Variants in PLAC8L1 observed in about 807,000 individuals in gnomAD.
The protein encoded by PLAC8L1 is PLAC8-like protein 1.
PLAC8L1 carries 13 observed loss-of-function variants against 16.3 expected under a neutral mutation model. The observed-to-expected ratio is 0.80, with a 90% CI of 0.52 to 1.27. PLAC8L1 has a LOEUF of 1.27. Ranked by LOEUF, PLAC8L1 falls within the 50% of genes most tolerant of loss-of-function variation. The pLI is 0.00. For synonymous variants in PLAC8L1, 78 were observed against 79.3 expected (o/e 0.98, Z 0.09); for missense variants, 184 against 220.2 (o/e 0.84, Z 1.04).
chr5:146,104,415 A>T lies in PLAC8L1; in HGVS notation c.-104T>A. The T allele has an allele frequency of 1.1e-6, 1 of 918,204 alleles. No individual in the cohort carries two copies. The highest frequency in any genetic ancestry group is 1.8e-6 in the Non-Finnish European group (1 of 562,384). The allele number at this position is 918,204 out of a possible 1,614,324, so 56.9% of individuals were successfully genotyped here. On this transcript the variant is annotated 5_prime_UTR_variant, in exon 1 of 4. Coordinates refer to ENST00000311450, the MANE Select transcript of PLAC8L1 (RefSeq NM_001029869.3). ...CCAAAGTGAAACATCTCTTGAAAGA[A>T]TGTTCCCTTAATATTCTGGAACCTG...
intron 1 of PLAC8L1, among the ~76,000 whole-genome samples, chr5:146,100,502 AT>A (rs1228208436): frequency 6.6e-6 from 1 of 150,918 alleles, no homozygotes; most frequent in African/African-American, 2.4e-5. Flanking sequence ...TAGCATGTCA[AT>A]TTTATTAATT....
intron 2 of PLAC8L1, among the ~76,000 whole-genome samples, chr5:146,095,806 C>A (rs1350076213): frequency 6.6e-6 from 1 of 152,162 alleles, no homozygotes; most frequent in African/African-American, 2.4e-5. Context: ...AACATCAATT[C>A]TCAGATGGGG....
chr5:146,098,274 G>C lies in PLAC8L1; in HGVS notation c.138C>G (p.Ser46Arg). 6.2e-7 allele frequency: 1 copy of C among 1,614,048 alleles called. No homozygotes were observed. The highest frequency in any genetic ancestry group is 8.5e-7 in the Non-Finnish European group (1 of 1,179,960). ...ISNLRGHVPASAVVKQPVRGA... is the reference protein window; with the variant it reads ...ISNLRGHVPARAVVKQPVRGA... ...CCCGAACAGGCTGCTTCACCACAGC[G>C]CTGGCTGGTACATGGCCTCTGGAGA... Residue 46 changes from serine (S) to arginine (R), a missense_variant, in exon 2 of 4, where the codon AGC (serine) becomes AGG (arginine). By Grantham distance (110) the Ser-to-Arg change is moderately radical. Coordinates refer to ENST00000311450, the MANE Select transcript of PLAC8L1 (RefSeq NM_001029869.3).
In PLAC8L1 at chr5:146,085,552, G is replaced by A; in HGVS notation, c.302C>T (p.Ala101Val). Residue 101 changes from alanine (A) to valine (V), a missense_variant, in exon 3 of 4, where the codon GCC becomes GTC. Coordinates refer to ENST00000311450, the MANE Select transcript of PLAC8L1 (RefSeq NM_001029869.3). ...ACAAAGACACTCTCCATAATGCCTG[G>A]CGATGTCACACTCAAGACACATAGG... ...FCPMCLECDI[A>V]RHYGECLCWP... 6.2e-7 allele frequency: 1 copy of A among 1,614,066 alleles called. No homozygotes were observed. Among genetic ancestry groups the A allele is most frequent in the Non-Finnish European group, 8.5e-7 (1 of 1,180,004 alleles).
At position 146,085,495 on chromosome 5, in the gene PLAC8L1, A is replaced by AG; in HGVS notation, c.358dup (p.Leu120ProfsTer10). The AG allele has an allele frequency of 6.2e-7, 1 of 1,614,094 alleles. No homozygotes were observed. Among genetic ancestry groups the AG allele is most frequent in the South Asian group, 1.1e-5 (1 of 91,060 alleles). The stretch of plus-strand genomic sequence containing the variant: ...ATGTCTCTCCCTGGTGCCAATTCTC[A>AG]GTGCAAAGGTGGACCCAGGTAACAA... On this transcript the variant is annotated frameshift_variant, in exon 3 of 4. Coordinates refer to ENST00000311450, the MANE Select transcript of PLAC8L1 (RefSeq NM_001029869.3). LOFTEE classifies it high-confidence loss of function.
intron 2 of PLAC8L1, among the ~76,000 whole-genome samples, chr5:146,096,789 G>A (rs1763725029): frequency 6.6e-6 from 1 of 152,198 alleles, no homozygotes; most frequent in Non-Finnish European, 1.5e-5. Context: ...AGTACTGGGT[G>A]ACTACCAAAG....
chr5:146,098,296 G>A lies in PLAC8L1; in HGVS notation c.120-4C>T. 3 of 1,613,034 alleles carry A rather than the reference G, an allele frequency of 1.9e-6. No homozygotes were observed. Among genetic ancestry groups the A allele is most frequent in the Middle Eastern group, 1.7e-4 (1 of 6,052 alleles). On this transcript the variant is annotated splice_polypyrimidine_tract_variant and splice_region_variant and intron_variant, in intron 1 of 3. Coordinates refer to ENST00000311450, the MANE Select transcript of PLAC8L1 (RefSeq NM_001029869.3). ...AGCGCTGGCTGGTACATGGCCTCTGGAGAGTCAAGGATGATGATTAACTTG... is the reference window on the plus strand; with the variant it reads ...AGCGCTGGCTGGTACATGGCCTCTGAAGAGTCAAGGATGATGATTAACTTG...
chr5:146,087,293 A>AT (rs1763533108), intron 2 of PLAC8L1, among the ~76,000 whole-genome samples: 2 of 151,892 alleles, frequency 1.3e-5, no homozygotes, highest in East Asian at 3.9e-4. Context: ...TGATTATTTC[A>AT]TTTTTTTGCT....
intron 2 of PLAC8L1, among the ~76,000 whole-genome samples, chr5:146,092,727 G>C (rs974294841): frequency 6.6e-6 from 1 of 151,898 alleles, no homozygotes. Flanking sequence ...TAGTAGAGAC[G>C]GGGTTTCACC....
intron 1 of PLAC8L1, among the ~76,000 whole-genome samples, chr5:146,100,413 A>C (rs1028151845): frequency 6.6e-5 from 10 of 152,160 alleles, no homozygotes; most frequent in Non-Finnish European, 1.5e-4. Context: ...GCTTTCTAGG[A>C]ACCTACCATG....
intron 2 of PLAC8L1, among the ~76,000 whole-genome samples, chr5:146,088,898 C>T (rs997372759): frequency 1.3e-5 from 2 of 152,086 alleles, no homozygotes; most frequent in African/African-American, 4.8e-5. Flanking sequence ...ATTTTGAAAT[C>T]AATGGCACAT....
intron 2 of PLAC8L1, among the ~76,000 whole-genome samples, chr5:146,086,022 G>GCCTTTTTT (rs1561781678): frequency 9.0e-6 from 1 of 111,028 alleles, no homozygotes; most frequent in African/African-American, 3.5e-5. Flanking sequence ...TAATTGAAAG[G>GCCTTTTTT]TCTTTTTTTT....
In PLAC8L1 at chr5:146,104,104, T is replaced by C. The variant is rs577697397; in HGVS notation, c.119+89A>G. On this transcript the variant is annotated intron_variant, in intron 1 of 3. Transcript: ENST00000311450. ...ACCACTTTCTTCCCAAGCCCAGTTT[T>C]CTTTTCCCTGGTTCCTTATAAGTAG... The C allele has an allele frequency of 3.3e-6, 5 of 1,509,404 alleles. No individual in the cohort carries two copies. The East Asian group carries it at 1.2e-4, about 36-fold the overall frequency. 93.5% of individuals were successfully genotyped at this position (1,509,404 alleles called of 1,614,324 possible).
In PLAC8L1 at chr5:146,085,612, A is replaced by G. The variant is rs1261862595; in HGVS notation, c.257-15T>C. 2 of 1,595,108 alleles carry G rather than the reference A, an allele frequency of 1.3e-6. No individual in the cohort carries two copies. The highest frequency in any genetic ancestry group is 1.3e-5 in the African/African-American group (1 of 74,332). The stretch of plus-strand genomic sequence containing the variant: ...ACCACAGAAACCTGTCAATAACCAC[A>G]TCCAAAAAGCCAAGGTTCTCAGATT... On this transcript the variant is annotated splice_polypyrimidine_tract_variant and intron_variant, in intron 2 of 3. Transcript: ENST00000311450.
intron 1 of PLAC8L1, among the ~76,000 whole-genome samples, chr5:146,101,465 C>A (rs1373085041): frequency 6.6e-6 from 1 of 152,024 alleles, no homozygotes; most frequent in Non-Finnish European, 1.5e-5. Context: ...TGAAATTGGC[C>A]CTGAAAAAAC....
intron 1 of PLAC8L1, among the ~76,000 whole-genome samples, chr5:146,100,416 C>G (rs968647262): frequency 2.0e-5 from 3 of 151,806 alleles, no homozygotes; most frequent in Non-Finnish European, 4.4e-5. Context: ...TTCTAGGAAC[C>G]TACCATGGAA....
rs184258975 is a variant in PLAC8L1 at position 146,090,517 on chromosome 5, G to T, written c.257-4920C>A. Among the ~76,000 whole-genome samples, 9 of 149,832 alleles carry T rather than the reference G, an allele frequency of 6.0e-5. No homozygotes were observed. In the East Asian group the frequency reaches 1.8e-3, roughly 29 times the overall value. Reference sequence around the variant, plus strand: ...GCCACTGCACTCCAGGCTGGGCAAAGGAATGAGACCGTCTCAAAAAACAAA... The same window carrying T: ...GCCACTGCACTCCAGGCTGGGCAAATGAATGAGACCGTCTCAAAAAACAAA... On this transcript the variant is annotated intron_variant, in intron 2 of 3. Transcript: ENST00000311450.
At chr5:146,103,126 C>T (rs1159286795) in intron 1 of PLAC8L1, among the ~76,000 whole-genome samples, 1 of 152,188 alleles carries the variant, frequency 6.6e-6, no homozygotes, top group African/African-American at 2.4e-5. Context: ...ACTGAGGTGA[C>T]AGGATTGCTT....
chr5:146,092,615 G>A (rs943826667), intron 2 of PLAC8L1, among the ~76,000 whole-genome samples: 2 of 138,082 alleles, frequency 1.4e-5, no homozygotes, highest in African/African-American at 5.4e-5. Flanking sequence ...GATCTCAGCT[G>A]ACTGCAACTT....
Sources: gnomAD v4.1 joint callset for allele counts (sites outside exome capture counted in the v4.1 genomes callset) on GRCh38, gnomAD v4.1.1 for gene constraint, MANE v1.5 for transcripts, NCBI Gene and HGNC (gene_info 2026-07-23, HGNC 2026-07-21) for gene names.